Variants in GSE1 observed in about 807,000 individuals in gnomAD.
GSE1 encodes Gse1 coiled-coil protein.
In GSE1, 32 loss-of-function variants were observed where a neutral mutation model predicts 112.6. The observed-to-expected ratio is 0.28, with a 90% CI of 0.21 to 0.38. The LOEUF (loss-of-function observed/expected upper bound fraction) is 0.38. GSE1 is among the 10% of genes least tolerant of loss of function. The pLI is 1.00. For missense variants in GSE1, 2,348 were observed against 1,699.2 expected (o/e 1.38, Z -6.71); for synonymous variants, 1,115 against 735.6 (o/e 1.52, Z -8.35).
chr16:85,219,573 C>T (rs958146243), intron 1 of GSE1, among the ~76,000 whole-genome samples: 9 of 152,206 alleles, frequency 5.9e-5, no homozygotes, highest in South Asian at 2.1e-4. Context: ...ACTCACTGCA[C>T]GGCCCAGAAG....
chr16:85,467,966 G>A (rs1009105994), intron 2 of GSE1, among the ~76,000 whole-genome samples: 1 of 152,186 alleles, frequency 6.6e-6, no homozygotes, highest in Non-Finnish European at 1.5e-5. Flanking sequence ...AGAAGAGAAT[G>A]GGGCGTGGGA....
intron 1 of GSE1, among the ~76,000 whole-genome samples, chr16:85,241,869 C>T (rs1463468758): frequency 6.6e-6 from 1 of 152,130 alleles, no homozygotes; most frequent in Non-Finnish European, 1.5e-5. Flanking sequence ...TAGACCCCCT[C>T]CCCGGGCACC....
Position 85,241,638 on chromosome 16 carries a change from T to C in GSE1, c.2283+69831T>C, listed in dbSNP as rs545329663. ...TGGATTTAGGAATATGTCACTCAGC[T>C]AGTAAGCCACCGAACAGGGATTCAA... On this transcript the variant is annotated intron_variant, in intron 1 of 2. Transcript: ENST00000637419. 9.2e-5 allele frequency among the ~76,000 whole-genome samples: 14 copies of C among 152,290 alleles called. No individual in the cohort carries two copies. In the South Asian group the frequency reaches 2.9e-3, roughly 32 times the overall value.
intron 2 of GSE1, among the ~76,000 whole-genome samples, chr16:85,391,486 C>T (rs1238141354): frequency 2.0e-5 from 3 of 152,188 alleles, no homozygotes; most frequent in Non-Finnish European, 2.9e-5. Context: ...GTCCAGCCGG[C>T]GATGCTTCCT....
At chr16:85,617,916 C>A (rs2048480332) in intron 1 of GSE1, among the ~76,000 whole-genome samples, 3 of 152,156 alleles carry the variant, frequency 2.0e-5, no homozygotes, top group Non-Finnish European at 4.4e-5. Context: ...TACGCCACCT[C>A]CCCCGCAGGA....
chr16:85,498,804 A>T (rs2051267178), intron 2 of GSE1, among the ~76,000 whole-genome samples: 1 of 152,192 alleles, frequency 6.6e-6, no homozygotes, highest in South Asian at 2.1e-4. Context: ...GGCAGGCCTC[A>T]CTTGGGCTCC....
chr16:85,616,067 A>C (rs1253050269), intron 1 of GSE1, among the ~76,000 whole-genome samples: 3 of 152,252 alleles, frequency 2.0e-5, no homozygotes, highest in Non-Finnish European at 4.4e-5. Flanking sequence ...AGCAGAAGCC[A>C]AGCCTGCCTG....
At chr16:85,621,192 C>G (rs918516452) in intron 1 of GSE1, among the ~76,000 whole-genome samples, 3 of 151,772 alleles carry the variant, frequency 2.0e-5, no homozygotes, top group Non-Finnish European at 4.4e-5. Context: ...TTGGGGAACC[C>G]GTGTAGATGG....
chr16:85,391,911 T>G (rs1234830204), intron 2 of GSE1, among the ~76,000 whole-genome samples: 1 of 152,172 alleles, frequency 6.6e-6, no homozygotes, highest in Non-Finnish European at 1.5e-5. Flanking sequence ...TCATGCAGGC[T>G]GCAACTTACA....
intron 2 of GSE1, among the ~76,000 whole-genome samples, chr16:85,391,359 T>C (rs1485952160): frequency 2.6e-5 from 4 of 152,218 alleles, no homozygotes; most frequent in Non-Finnish European, 5.9e-5. Context: ...ATCTGTCCCC[T>C]GCGGCTGCCG....
At chr16:85,578,951 T>C (rs1485031455) in intron 1 of GSE1, among the ~76,000 whole-genome samples, 1 of 152,132 alleles carries the variant, frequency 6.6e-6, no homozygotes, top group Admixed American at 6.5e-5. Context: ...CTGGTTTGTC[T>C]TGTTCTCTGT....
intron 2 of GSE1, among the ~76,000 whole-genome samples, chr16:85,413,394 T>C (rs2048629025): frequency 6.6e-6 from 1 of 152,062 alleles, no homozygotes; most frequent in South Asian, 2.1e-4. Flanking sequence ...GAGATTGATG[T>C]CACCATCTTC....
At chr16:85,575,024 G>A (rs1291912699) in intron 1 of GSE1, among the ~76,000 whole-genome samples, 1 of 152,178 alleles carries the variant, frequency 6.6e-6, no homozygotes, top group Non-Finnish European at 1.5e-5. Context: ...CCCCTCGCTG[G>A]GGAGCGGCTC....
At chr16:85,382,964 C>T (rs567842081) in intron 2 of GSE1, among the ~76,000 whole-genome samples, 25 of 148,994 alleles carry the variant, frequency 1.7e-4, no homozygotes, top group African/African-American at 6.4e-4. Context: ...CACGTGCACA[C>T]ACATGCACGC....
Position 85,645,157 on chromosome 16 carries a change from A to T in GSE1, c.227-3395A>T, listed in dbSNP as rs2050750173. 2.0e-5 allele frequency among the ~76,000 whole-genome samples: 3 copies of T among 151,278 alleles called. No individual in the cohort carries two copies. The South Asian group carries it at 6.3e-4, about 32-fold the overall frequency. ...TGGCCCGGTCGACTTGGGGTGGTGG[A>T]GTTCTCAGGGTGTGGGCAGTGGTTG... On this transcript the variant is annotated intron_variant, in intron 2 of 15. Transcript: ENST00000253458.
chr16:85,217,820 T>G (rs894140682), intron 1 of GSE1, among the ~76,000 whole-genome samples: 10 of 152,120 alleles, frequency 6.6e-5, no homozygotes, highest in African/African-American at 2.4e-4. Context: ...CTCGAAGCCC[T>G]CCCTGACTAC....
In GSE1 at chr16:85,170,623, C is replaced by A. The variant is rs573711605; in HGVS notation, c.1099C>A (p.Leu367Ile). The A allele has an allele frequency of 7.1e-5, 70 of 985,482 alleles. No homozygotes were observed. The African/African-American group carries it at 1.1e-3, about 16-fold the overall frequency. The allele number at this position is 985,482 out of a possible 1,614,324, so 61.0% of individuals were successfully genotyped here. ...CAGCCGGGCGGCACCAGCAGAAGGC[C>A]TTTGCTGCTACATCTGCGGGGCCCC... Residue 367 changes from leucine to isoleucine, a missense_variant, in exon 1 of 3, where the codon CTT becomes ATT. By Grantham distance (5) the Leu-to-Ile change is conservative. Coordinates refer to the GSE1 transcript ENST00000637419.
intron 1 of GSE1, among the ~76,000 whole-genome samples, chr16:85,201,544 C>T (rs762141161): frequency 4.6e-5 from 7 of 151,414 alleles, no homozygotes; most frequent in African/African-American, 1.2e-4. Context: ...CCCAGCTACT[C>T]GGGAGGCTAA....
chr16:85,309,473 G>A (rs980316358), intron 1 of GSE1, among the ~76,000 whole-genome samples: 3 of 151,472 alleles, frequency 2.0e-5, no homozygotes, highest in East Asian at 2.0e-4. Context: ...TAGCCTGGGC[G>A]ACAGAGCCAG....
Sources: allele counts gnomAD v4.1 joint callset (sites outside exome capture counted in the v4.1 genomes callset), GRCh38; gene constraint gnomAD v4.1.1; transcripts MANE v1.5; gene names NCBI Gene and HGNC (gene_info 2026-07-23, HGNC 2026-07-21).